SPRR2B: variants seen among roughly 807,000 people sequenced by gnomAD.
SPRR2B encodes small proline rich protein 2B.
In SPRR2B, 1 loss-of-function variant was observed where a neutral mutation model predicts 1.0. That is an observed-to-expected ratio of 1.01 (90% CI 0.36 to 4.77). SPRR2B has a LOEUF of 4.77. SPRR2B is among the 30% of genes most tolerant of loss of function. The probability of loss-of-function intolerance (pLI) is 0.16; values close to 1 mark genes in which losing one functional copy is unlikely to be tolerated. For synonymous variants in SPRR2B, 27 were observed against 33.4 expected, an observed-to-expected ratio of 0.81 and a Z score of 0.66; for missense variants, 53 against 88.7, an observed-to-expected ratio of 0.60 and a Z score of 1.62.
the SPRR2B span, among the ~76,000 whole-genome samples, chr1:153,086,849 T>C: frequency 1.3e-5 from 2 of 152,098 alleles, no homozygotes; most frequent in Non-Finnish European, 2.9e-5. Flanking sequence ...CCTAAGTAAA[T>C]ACAAAAGAAC....
At chr1:153,079,726 C>A in the SPRR2B span, among the ~76,000 whole-genome samples, 1 of 152,028 alleles carries the variant, frequency 6.6e-6, no homozygotes, top group African/African-American at 2.4e-5. Context: ...TGGTCTATAT[C>A]TCTGTTTTGG....
At position 153,070,597 on chromosome 1, in the gene SPRR2B, T is replaced by C; in HGVS notation, c.*24A>G. ...TGAGCCAATTATCCTTATCCTCTCA[T>C]GCTCCTGATGAATCCTGAAGCTGTT... On this transcript the variant is annotated 3_prime_UTR_variant, in exon 2 of 2. Transcript: ENST00000368755. 1 of 1,607,662 alleles carries C rather than the reference T, an allele frequency of 6.2e-7. No homozygotes were observed. Among genetic ancestry groups the C allele is most frequent in the Non-Finnish European group, 8.5e-7 (1 of 1,177,620 alleles).
rs574498044 is a variant in SPRR2B, at chr1:153,070,439, T to C, written c.*182A>G. ...AGTCTCCACCTGGACAGTGGCAGTA[T>C]GGCAGCCTTAGAAAGGAAACCTTTT... On this transcript the variant is annotated 3_prime_UTR_variant, in exon 2 of 2. Transcript: ENST00000368755. The C allele has an allele frequency of 7.5e-6, 9 of 1,206,388 alleles. No homozygotes were observed. Among genetic ancestry groups the C allele is most frequent in the Non-Finnish European group, 1.0e-5 (9 of 876,994 alleles). The allele number at this position is 1,206,388 out of a possible 1,614,324, so 74.7% of individuals were successfully genotyped here.
the SPRR2B span, among the ~76,000 whole-genome samples, chr1:153,077,105 G>A: frequency 6.6e-6 from 1 of 152,180 alleles, no homozygotes; most frequent in Non-Finnish European, 1.5e-5. Flanking sequence ...AGCAGCAAGA[G>A]GGAAGTGAAT....
At position 153,070,484 on chromosome 1, in the gene SPRR2B, G is replaced by T; in HGVS notation, c.*137C>A. 1 of 1,452,874 alleles carries T rather than the reference G, an allele frequency of 6.9e-7. No individual in the cohort carries two copies. Among genetic ancestry groups the T allele is most frequent in the Non-Finnish European group, 9.3e-7 (1 of 1,079,812 alleles). The allele number at this position is 1,452,874 out of a possible 1,614,324, so 90.0% of individuals were successfully genotyped here. ...CCTTTTGCTATCAGGGAACATCATG[G>T]GCAGATCACAGGCTAAGGGGAAAGA... On this transcript the variant is annotated 3_prime_UTR_variant, in exon 2 of 2. Coordinates refer to ENST00000368755, the MANE Select transcript of SPRR2B (RefSeq NM_001388198.1).
At chr1:153,083,966 G>A in the SPRR2B span, among the ~76,000 whole-genome samples, 2 of 152,192 alleles carry the variant, frequency 1.3e-5, no homozygotes, top group Non-Finnish European at 2.9e-5. Flanking sequence ...GGGCAATCTT[G>A]CCTTTCAGAT....
chr1:153,077,637 G>A, the SPRR2B span, among the ~76,000 whole-genome samples: 17 of 140,230 alleles, frequency 1.2e-4, no homozygotes, highest in African/African-American at 2.1e-4. Flanking sequence ...TTTTTTTTTC[G>A]ACACAGTCTC....
the SPRR2B span, among the ~76,000 whole-genome samples, chr1:153,083,676 G>A: frequency 2.0e-5 from 3 of 152,200 alleles, no homozygotes; most frequent in Non-Finnish European, 2.9e-5. Context: ...GACTCCAGGG[G>A]AACAGCTGAG....
At chr1:153,075,138 G>T (rs1319220229), upstream of SPRR2B, among the ~76,000 whole-genome samples, 2 of 152,122 alleles carry the variant, frequency 1.3e-5, no homozygotes, top group Non-Finnish European at 2.9e-5. Flanking sequence ...GAGGTCAGGA[G>T]TTCAAGACCA....
At chr1:153,080,983 C>T in the SPRR2B span, among the ~76,000 whole-genome samples, 2 of 152,160 alleles carry the variant, frequency 1.3e-5, no homozygotes, top group Non-Finnish European at 2.9e-5. Flanking sequence ...TCAAGACTCA[C>T]AAAGACATGG....
At chr1:153,079,990 T>C in the SPRR2B span, among the ~76,000 whole-genome samples, 60,761 of 151,956 alleles carry the variant, frequency 0.4, 12,589 homozygotes, top group Non-Finnish European at 0.45. Context: ...ATTCTTCCTA[T>C]CCATGAGCAT....
At chr1:153,084,326 G>C in the SPRR2B span, among the ~76,000 whole-genome samples, 4 of 152,084 alleles carry the variant, frequency 2.6e-5, no homozygotes, top group Non-Finnish European at 5.9e-5. Flanking sequence ...AGTACAGTCA[G>C]CTTCCTTCTC....
the SPRR2B span, among the ~76,000 whole-genome samples, chr1:153,081,825 C>CTTTTCT: frequency 0.011 from 1,513 of 137,000 alleles, 30 homozygotes; most frequent in African/African-American, 0.034. Flanking sequence ...CTTTTCTTTT[C>CTTTTCT]TTTTTTTTTT....
At chr1:153,073,526 A>G (rs1457803451), upstream of SPRR2B, among the ~76,000 whole-genome samples, 1 of 152,160 alleles carries the variant, frequency 6.6e-6, no homozygotes, top group African/African-American at 2.4e-5. Context: ...TAGTGCCCCC[A>G]GCATCTCAGA....
the SPRR2B span, among the ~76,000 whole-genome samples, chr1:153,085,629 T>C: frequency 1.3e-5 from 2 of 152,148 alleles, no homozygotes; most frequent in Non-Finnish European, 2.9e-5. Flanking sequence ...ATCCATGAGA[T>C]CTTCCCCAGC....
At chr1:153,076,458 G>T (rs76976964), upstream of SPRR2B, among the ~76,000 whole-genome samples, 197 of 152,234 alleles carry the variant, frequency 1.3e-3, 5 homozygotes, top group East Asian at 0.037. Context: ...ATGTGCATAG[G>T]CTGTGGTCTT....
the SPRR2B span, among the ~76,000 whole-genome samples, chr1:153,086,667 A>G: frequency 1.4e-4 from 21 of 152,232 alleles, no homozygotes; most frequent in Non-Finnish European, 2.4e-4. Flanking sequence ...TATTAGACAC[A>G]TCATAGAGAC....
the SPRR2B span, among the ~76,000 whole-genome samples, chr1:153,083,310 T>A: frequency 6.6e-6 from 1 of 152,214 alleles, no homozygotes; most frequent in Non-Finnish European, 1.5e-5. Flanking sequence ...TAGGGACTAC[T>A]TCCTGTCTTA....
At chr1:153,076,713 A>T in the SPRR2B span, among the ~76,000 whole-genome samples, 3 of 152,232 alleles carry the variant, frequency 2.0e-5, no homozygotes, top group African/African-American at 7.2e-5. Context: ...GATCTAGTAC[A>T]TTTTAAAATA....
Sources: gnomAD v4.1 joint callset for allele counts (sites outside exome capture counted in the v4.1 genomes callset) on GRCh38, gnomAD v4.1.1 for gene constraint, MANE v1.5 for transcripts, NCBI Gene and HGNC (gene_info 2026-07-23, HGNC 2026-07-21) for gene names.